Variants in PLEKHG4B observed in about 807,000 individuals in gnomAD.
PLEKHG4B encodes pleckstrin homology domain-containing family G member 4B.
Under a neutral mutation model 121.3 loss-of-function variants are expected in PLEKHG4B, and 111 were observed. The ratio of observed to expected loss-of-function variants is 0.92; its 90% confidence interval spans 0.78 to 1.07. The LOEUF is 1.07. Ranked by LOEUF, PLEKHG4B falls within the 50% of genes least tolerant of loss-of-function variation. The pLI is 0.00. For missense variants in PLEKHG4B, 1,831 were observed against 1,757.8 expected (o/e 1.04, Z -0.74); for synonymous variants, 738 against 725.0 (o/e 1.02, Z -0.29).
intron 1 of PLEKHG4B, among the ~76,000 whole-genome samples, chr5:108,329 C>G (rs1401922857): frequency 1.3e-5 from 2 of 152,266 alleles, no homozygotes; most frequent in Non-Finnish European, 2.9e-5. Flanking sequence ...TGCCGTCCTT[C>G]CTTCCTGGCA....
intron 11 of PLEKHG4B, among the ~76,000 whole-genome samples, chr5:158,093 CA>C (rs1735852436): frequency 6.6e-6 from 1 of 152,176 alleles, no homozygotes; most frequent in Non-Finnish European, 1.5e-5. Flanking sequence ...GGCCAAGCTG[CA>C]GCCACCAGCC....
At chr5:164,474 GA>G (rs1439446822) in intron 13 of PLEKHG4B, among the ~76,000 whole-genome samples, 1 of 129,712 alleles carries the variant, frequency 7.7e-6, no homozygotes, top group African/African-American at 3.8e-5. Flanking sequence ...TGTTGTGACG[GA>G]GCAGAGCTCA....
In PLEKHG4B at chr5:140,476, A is replaced by C. The variant is rs143062800; in HGVS notation, c.1237A>C (p.Ser413Arg). ...CCGGGGAGACCCCCAACAGACCCCA[A>C]GTCTAGAGAAGGAGAGGCACACACC... is the stretch of plus-strand genomic sequence containing the variant. The part of the protein sequence containing the change: ...GPRGDPQQTP[S>R]LEKERHTPSR... The change falls in exon 3 of 20, where the codon AGT (serine) becomes CGT (arginine). Residue 413 changes from serine (S) to arginine (R), a missense_variant. Transcript: ENST00000637938. 2 of 1,592,568 alleles carry C rather than the reference A, an allele frequency of 1.3e-6. No homozygotes were observed. The highest frequency in any genetic ancestry group is 1.7e-6 in the Non-Finnish European group (2 of 1,169,980).
intron 1 of PLEKHG4B, among the ~76,000 whole-genome samples, chr5:101,358 G>A (rs1207066630): frequency 8.0e-6 from 1 of 124,268 alleles, no homozygotes; most frequent in East Asian, 2.2e-4. Flanking sequence ...AGCCTGTAGG[G>A]GAGAGACTGT....
At chr5:112,898 A>G (rs1263288052) in intron 1 of PLEKHG4B, among the ~76,000 whole-genome samples, 1 of 152,134 alleles carries the variant, frequency 6.6e-6, no homozygotes, top group Non-Finnish European at 1.5e-5. Flanking sequence ...GTTCAGGTGC[A>G]GGGGATGAAA....
chr5:181,492 G>T (rs1185106253), intron 18 of PLEKHG4B, 22 bp from the exon 19 acceptor site: 11 of 1,609,886 alleles, frequency 6.8e-6, no homozygotes, highest in African/African-American at 1.3e-5. Flanking sequence ...TTTGGAAACT[G>T]TCATACTTTC....
chr5:100,049 C>T (rs1054832401), intron 1 of PLEKHG4B, among the ~76,000 whole-genome samples: 6 of 152,164 alleles, frequency 3.9e-5, no homozygotes, highest in East Asian at 1.9e-4. Context: ...CGTTGAAGAA[C>T]GCTTGCATTC....
At position 139,636 on chromosome 5, in the gene PLEKHG4B, C is replaced by T; in HGVS notation, c.397C>T (p.Leu133=). Residue 133 remains leucine (L), a synonymous_variant, in exon 3 of 20, where the codon CTG becomes TTG. Coordinates refer to ENST00000637938, the MANE Select transcript of PLEKHG4B (RefSeq NM_052909.5). The surrounding 1 kb of genome is among the most constrained non-coding windows in gnomAD (Gnocchi z 5.0). ...VTSAGKQSAR[L]VLKCLSRLGR... Reference sequence around the variant, plus strand: ...GTCGGCGGGGAAGCAGTCAGCTAGACTGGTCTTGAAATGCCTGTCCCGGCT... The same window carrying T: ...GTCGGCGGGGAAGCAGTCAGCTAGATTGGTCTTGAAATGCCTGTCCCGGCT... The T allele has an allele frequency of 1.3e-5, 5 of 398,918 alleles. No individual in the cohort carries two copies. The highest frequency in any genetic ancestry group is 2.2e-5 in the Non-Finnish European group (5 of 226,130). 24.7% of individuals were successfully genotyped at this position (398,918 alleles called of 1,614,324 possible).
chr5:174,430 G>T (rs1185399865), intron 18 of PLEKHG4B, among the ~76,000 whole-genome samples: 4 of 151,334 alleles, frequency 2.6e-5, no homozygotes, highest in African/African-American at 7.3e-5. Context: ...GGGGCCGGGG[G>T]CCAAGGCTAG....
At chr5:147,931 C>G (rs1244105365) in intron 6 of PLEKHG4B, among the ~76,000 whole-genome samples, 3 of 151,772 alleles carry the variant, frequency 2.0e-5, no homozygotes, top group Non-Finnish European at 2.9e-5. Context: ...AAGGATGGTT[C>G]GACACATGAA....
rs979975777 is a variant in PLEKHG4B at position 139,134 on chromosome 5, CAG to C, written c.244-348_244-347del. ...AAGTGTGGACGCCCGGCCCCTTGCC[CAG>C]GCTGGGACCACTCTGAGGGACAACT... is the stretch of plus-strand genomic sequence containing the variant. On this transcript the variant is annotated intron_variant, in intron 2 of 19. Coordinates refer to ENST00000637938, the MANE Select transcript of PLEKHG4B (RefSeq NM_052909.5). The surrounding 1 kb of genome is among the most constrained non-coding windows in gnomAD (Gnocchi z 5.0). 6.6e-6 allele frequency among the ~76,000 whole-genome samples: 1 copy of C among 152,176 alleles called. No individual in the cohort carries two copies. The highest frequency in any genetic ancestry group is 2.4e-5 in the African/African-American group (1 of 41,430).
At chr5:165,677 GGCTCACACTAATGCTCTGACGGGGCGGA>G (rs1736299900) in intron 13 of PLEKHG4B, among the ~76,000 whole-genome samples, 5 of 27,832 alleles carry the variant, frequency 1.8e-4, no homozygotes, top group African/African-American at 4.3e-4. Flanking sequence ...GACGGGGCGG[GGCTCACACTAATGCTCTGACGGGGCGGA>G]GCTCACACTA....
rs148712180 is a variant in PLEKHG4B at position 171,378 on chromosome 5, C to T, written c.3984C>T (p.Val1328=). ...TGGGCGAGCTCCGAGCCGCCGAGGT[C>T]GTGGTCTGCTTCCAGCTGCGTCACG... ...QELGELRAAE[V]VVCFQLRHGN... is the part of the protein sequence containing the mutation. The change falls in exon 16 of 20, where the codon GTC becomes GTT. Residue 1328 remains valine (V), a synonymous_variant. Transcript: ENST00000637938. 745 of 1,611,032 alleles carry T rather than the reference C, an allele frequency of 4.6e-4. 2 individuals are homozygous for T. In the East Asian group the frequency reaches 0.012, roughly 27 times the overall value.
At chr5:180,655 C>T (rs938459643) in intron 18 of PLEKHG4B, among the ~76,000 whole-genome samples, 25 of 152,188 alleles carry the variant, frequency 1.6e-4, no homozygotes, top group African/African-American at 4.6e-4. Flanking sequence ...GTAAGGTACA[C>T]GAGCAAACCC....
rs111273223 is a variant in PLEKHG4B at position 149,509 on chromosome 5, C to T, written c.1906-2004C>T. 8.2e-3 allele frequency among the ~76,000 whole-genome samples: 1,254 copies of T among 152,092 alleles called. 17 individuals are homozygous for T. Among genetic ancestry groups the T allele is most frequent in the African/African-American group, 0.028 (1,170 of 41,456 alleles). ...TGAGCCATGGTCATGCCACTGCACT[C>T]CAGTATGGATGACAGAGAGAGACCC... On this transcript the variant is annotated intron_variant, in intron 6 of 19. Coordinates refer to ENST00000637938, the MANE Select transcript of PLEKHG4B (RefSeq NM_052909.5).
intron 2 of PLEKHG4B, among the ~76,000 whole-genome samples, chr5:120,026 C>T (rs1426122564): frequency 2.0e-5 from 3 of 152,110 alleles, no homozygotes; most frequent in Admixed American, 6.5e-5. Flanking sequence ...GGGGGAGAAT[C>T]GCTTGAGCCC....
chr5:115,713 T>C (rs1007352166), intron 2 of PLEKHG4B, among the ~76,000 whole-genome samples: 8 of 152,354 alleles, frequency 5.3e-5, no homozygotes, highest in Admixed American at 4.6e-4. Context: ...ATGGCTTCTT[T>C]CCTTAAACCT....
At position 162,776 on chromosome 5, in the gene PLEKHG4B, G is replaced by A. The variant is rs1269499577; in HGVS notation, c.2704G>A (p.Ala902Thr). The change falls in exon 13 of 20, where the codon GCT (alanine) becomes ACT (threonine). Residue 902 changes from alanine (A) to threonine (T), a missense_variant. Physicochemically the swap from Ala to Thr is moderately conservative, Grantham distance 58. Transcript: ENST00000637938. ...GGAGGCTTGTCCCTCCTCACCCGTG[G>A]CTGAGTGTTTGAGGAGCTGTCACCA... Reference protein sequence around the residue: ...DPEACPSSPVAECLRSCHQEA... With the variant: ...DPEACPSSPVTECLRSCHQEA... 1 of 1,483,096 alleles carries A rather than the reference G, an allele frequency of 6.7e-7. No homozygotes were observed. The allele number at this position is 1,483,096 out of a possible 1,614,324, so 91.9% of individuals were successfully genotyped here.
At chr5:160,971 G>A (rs1318406861) in intron 11 of PLEKHG4B, among the ~76,000 whole-genome samples, 5 of 152,166 alleles carry the variant, frequency 3.3e-5, no homozygotes, top group African/African-American at 1.2e-4. Context: ...TCTCTCCTCT[G>A]CTGCATGTCT....
Sources: gnomAD v4.1 joint callset for allele counts (sites outside exome capture counted in the v4.1 genomes callset) on GRCh38, gnomAD v4.1.1 for gene constraint, Gnocchi (gnomAD v3.1) non-coding constraint, MANE v1.5 for transcripts, NCBI Gene and HGNC (gene_info 2026-07-23, HGNC 2026-07-21) for gene names.